Variants in EPB41L2 observed in about 807,000 individuals in gnomAD.
The protein encoded by EPB41L2 is erythrocyte membrane protein band 4.1 like 2, also known as band 4.1-like protein 2.
In EPB41L2, 43 loss-of-function variants were observed where a neutral mutation model predicts 113.0. That is an observed-to-expected ratio of 0.38 (90% CI 0.30 to 0.49). The LOEUF (loss-of-function observed/expected upper bound fraction) is 0.49. Ranked by LOEUF, EPB41L2 falls within the 20% of genes least tolerant of loss-of-function variation. EPB41L2 has a pLI of 0.95. For missense variants in EPB41L2, 1,147 were observed against 1,223.4 expected, an observed-to-expected ratio of 0.94 and a Z score of 0.93; for synonymous variants, 442 against 436.7, an observed-to-expected ratio of 1.01 and a Z score of -0.15.
chr6:131,000,979 A>C (rs1321197617), intron 1 of EPB41L2, among the ~76,000 whole-genome samples: 1 of 151,648 alleles, frequency 6.6e-6, no homozygotes. Context: ...AATGATCTGG[A>C]GTGCAGCTCC....
At chr6:130,858,959 C>T (rs1781141251) in intron 18 of EPB41L2, among the ~76,000 whole-genome samples, 1 of 152,218 alleles carries the variant, frequency 6.6e-6, no homozygotes, top group Admixed American at 6.5e-5. Flanking sequence ...ATGGGTCTTT[C>T]TCAAGGCCAT....
chr6:131,045,465 TA>T (rs1271359455), intron 1 of EPB41L2, among the ~76,000 whole-genome samples: 3 of 148,394 alleles, frequency 2.0e-5, no homozygotes, highest in Non-Finnish European at 3.0e-5. Flanking sequence ...GTTAACAGAT[TA>T]AAATAGGTAA....
chr6:130,842,150 T>C (rs1223958287), intron 19 of EPB41L2, among the ~76,000 whole-genome samples: 1 of 152,210 alleles, frequency 6.6e-6, no homozygotes, highest in South Asian at 2.1e-4. Context: ...AAAAAGTTCC[T>C]ACCATTTAGA....
intron 3 of EPB41L2, among the ~76,000 whole-genome samples, chr6:130,942,286 C>T (rs1321646145): frequency 6.6e-6 from 1 of 152,170 alleles, no homozygotes; most frequent in Admixed American, 6.6e-5. Flanking sequence ...TCTCAAATCC[C>T]TGTCCCCCAT....
At chr6:130,928,354 G>A (rs1274048455) in intron 3 of EPB41L2, among the ~76,000 whole-genome samples, 1 of 152,100 alleles carries the variant, frequency 6.6e-6, no homozygotes, top group African/African-American at 2.4e-5. Context: ...GACACTTAAC[G>A]TCTGCTTGCC....
At chr6:130,964,108 G>A (rs1221917569) in intron 1 of EPB41L2, among the ~76,000 whole-genome samples, 2 of 150,960 alleles carry the variant, frequency 1.3e-5, no homozygotes, top group Non-Finnish European at 2.9e-5. Context: ...TGCAATCTCC[G>A]CCTGCCGGGT....
In EPB41L2 at chr6:131,031,187, C is replaced by T. The variant is rs192003571; in HGVS notation, c.-15+31968G>A. 2.0e-5 allele frequency among the ~76,000 whole-genome samples: 3 copies of T among 152,134 alleles called. No individual in the cohort carries two copies. The East Asian group carries it at 5.8e-4, about 29-fold the overall frequency. On this transcript the variant is annotated intron_variant, in intron 1 of 19. Coordinates refer to ENST00000337057, the MANE Select transcript of EPB41L2 (RefSeq NM_001431.4). ...ACCCACCCCAGAAAAGACAAAATGACTGAATCATTGGCTTAAGTATTCAAC... is the reference window on the plus strand; with the variant it reads ...ACCCACCCCAGAAAAGACAAAATGATTGAATCATTGGCTTAAGTATTCAAC...
chr6:130,932,150 TTTC>T (rs746077510), intron 3 of EPB41L2, among the ~76,000 whole-genome samples: 5 of 152,170 alleles, frequency 3.3e-5, no homozygotes, highest in East Asian at 1.9e-4. Context: ...CTAATCAAAC[TTTC>T]TTATTTCACA....
chr6:130,902,717 T>G (rs1360020478), intron 6 of EPB41L2, among the ~76,000 whole-genome samples: 1 of 152,216 alleles, frequency 6.6e-6, no homozygotes, highest in Non-Finnish European at 1.5e-5. Context: ...AGATTTCATC[T>G]TGTTGCTTCC....
At chr6:130,879,875 A>C (rs1305458126) in intron 13 of EPB41L2, among the ~76,000 whole-genome samples, 1 of 152,258 alleles carries the variant, frequency 6.6e-6, no homozygotes, top group Admixed American at 6.5e-5. Context: ...TTGTAGAACA[A>C]CTTCAAGAGT....
At chr6:131,057,030 A>G (rs1465404036) in intron 1 of EPB41L2, among the ~76,000 whole-genome samples, 1 of 152,212 alleles carries the variant, frequency 6.6e-6, no homozygotes, top group African/African-American at 2.4e-5. Context: ...GAGATAGGGG[A>G]GAATAAATGA....
In EPB41L2 at chr6:131,018,114, G is replaced by A. The variant is rs904767865; in HGVS notation, c.-15+45041C>T. Among the ~76,000 whole-genome samples the A allele has an allele frequency of 7.7e-4, 117 of 152,274 alleles. 3 individuals carry two copies. The highest frequency in any genetic ancestry group is 4.9e-4 in the Non-Finnish European group (33 of 68,026). On this transcript the variant is annotated intron_variant, in intron 1 of 19. Coordinates refer to ENST00000337057, the MANE Select transcript of EPB41L2 (RefSeq NM_001431.4). ...AGACCCAAGTACATTCTGACTACAA[G>A]TACAGGAGTAAGCAAGCCATGGCTG... is the stretch of plus-strand genomic sequence containing the variant.
At chr6:130,985,482 T>C (rs553858287) in intron 1 of EPB41L2, among the ~76,000 whole-genome samples, 1 of 152,332 alleles carries the variant, frequency 6.6e-6, no homozygotes, top group South Asian at 2.1e-4. Context: ...CGGGAACCAG[T>C]GCATAAGCTA....
rs1161168181 is a variant in EPB41L2 at position 130,867,479 on chromosome 6, T to C, written c.2710A>G (p.Ile904Val). 3 of 1,614,040 alleles carry C rather than the reference T, an allele frequency of 1.9e-6. No homozygotes were observed. The highest frequency in any genetic ancestry group is 1.3e-5 in the African/African-American group (1 of 75,064). The change falls in exon 16 of 20, where the codon ATC (isoleucine) becomes GTC (valine). Residue 904 changes from isoleucine (I) to valine (V), a missense_variant. Ile to Val is a conservative substitution (Grantham distance 29). Coordinates refer to ENST00000337057, the MANE Select transcript of EPB41L2 (RefSeq NM_001431.4). The part of the protein sequence containing the change: ...VPIVQTETKT[I>V]TYESPQIDGG... ...TGTACCTGTGGAGACTCATATGTGA[T>C]GGTTTTGGTCTCAGTTTGGACAATG...
At chr6:130,909,069 G>A (rs571550675) in intron 4 of EPB41L2, among the ~76,000 whole-genome samples, 16 of 152,288 alleles carry the variant, frequency 1.1e-4, no homozygotes, top group South Asian at 2.1e-4. Flanking sequence ...TGTACTATAA[G>A]TAAAATATTC....
At chr6:131,046,548 C>CA (rs1168321574) in intron 1 of EPB41L2, among the ~76,000 whole-genome samples, 15 of 152,282 alleles carry the variant, frequency 9.9e-5, no homozygotes, top group African/African-American at 3.4e-4. Flanking sequence ...TACTGACCAA[C>CA]AATAGCCCAA....
chr6:130,852,266 T>C (rs747034654), intron 19 of EPB41L2, among the ~76,000 whole-genome samples: 2 of 152,166 alleles, frequency 1.3e-5, no homozygotes, highest in African/African-American at 4.8e-5. Flanking sequence ...GAAGTAGATA[T>C]GAACCCAGCA....
intron 4 of EPB41L2, among the ~76,000 whole-genome samples, chr6:130,924,073 G>A (rs1331003893): frequency 1.3e-5 from 2 of 151,990 alleles, no homozygotes; most frequent in African/African-American, 2.4e-5. Flanking sequence ...GAATCCTATA[G>A]TGCTTGTCTT....
At chr6:130,843,028 T>C (rs1200790136) in intron 19 of EPB41L2, among the ~76,000 whole-genome samples, 3 of 146,250 alleles carry the variant, frequency 2.1e-5, no homozygotes, top group Non-Finnish European at 4.5e-5. Context: ...CTCTGAGTTA[T>C]TAGATATTGT....
Sources: gnomAD v4.1 joint callset for allele counts (sites outside exome capture counted in the v4.1 genomes callset) on GRCh38, gnomAD v4.1.1 for gene constraint, MANE v1.5 for transcripts, NCBI Gene and HGNC (gene_info 2026-07-23, HGNC 2026-07-21) for gene names.